Variants in GRID2 observed in about 807,000 individuals in gnomAD.
GRID2 encodes the protein glutamate ionotropic receptor delta type subunit 2.
In GRID2, 33 loss-of-function variants were observed where a neutral mutation model predicts 114.8. The observed-to-expected ratio is 0.29, with a 90% CI of 0.22 to 0.38. The LOEUF (loss-of-function observed/expected upper bound fraction) is 0.38. Among genes scored for constraint, GRID2 ranks in the 10% least tolerant of loss-of-function variants. The pLI is 1.00. For missense variants in GRID2, 1,184 were observed against 1,257.7 expected, an observed-to-expected ratio of 0.94 and a Z score of 0.89; for synonymous variants, 505 against 449.9, an observed-to-expected ratio of 1.12 and a Z score of -1.55.
chr4:92,922,126 G>T (rs751761877), intron 2 of GRID2, among the ~76,000 whole-genome samples: 16 of 152,298 alleles, frequency 1.1e-4, no homozygotes, highest in Middle Eastern at 6.8e-3. Flanking sequence ...GAGGCTCCGT[G>T]GGTGTAGGAC....
chr4:93,548,871 A>G (rs1295426234), intron 13 of GRID2, among the ~76,000 whole-genome samples: 2 of 152,164 alleles, frequency 1.3e-5, no homozygotes. Flanking sequence ...AACCTTTGCC[A>G]TGATCAACAG....
chr4:93,300,937 A>T (rs536051536), intron 8 of GRID2, among the ~76,000 whole-genome samples: 6 of 152,336 alleles, frequency 3.9e-5, no homozygotes, highest in African/African-American at 1.4e-4. Context: ...TCTTCTACAC[A>T]ATGTCTGGAA....
intron 1 of GRID2, among the ~76,000 whole-genome samples, chr4:92,484,873 A>G (rs948209121): frequency 2.0e-5 from 3 of 151,984 alleles, no homozygotes. Context: ...ATGCATTATA[A>G]TTTCTCATAT....
intron 10 of GRID2, among the ~76,000 whole-genome samples, chr4:93,425,407 G>A (rs925033163): frequency 2.0e-5 from 3 of 152,068 alleles, no homozygotes; most frequent in Non-Finnish European, 4.4e-5. Flanking sequence ...CTTGGTTTTC[G>A]TAGTCCACAT....
At chr4:92,738,108 A>T (rs189278454) in intron 2 of GRID2, among the ~76,000 whole-genome samples, 1 of 152,166 alleles carries the variant, frequency 6.6e-6, no homozygotes, top group Admixed American at 6.6e-5. Flanking sequence ...CTTTTTAATG[A>T]TCGCCCTTCT....
intron 2 of GRID2, among the ~76,000 whole-genome samples, chr4:92,691,827 G>A (rs1579852667): frequency 6.6e-6 from 1 of 152,150 alleles, no homozygotes; most frequent in East Asian, 1.9e-4. Flanking sequence ...AGGTTCCTGA[G>A]TTTACCACCC....
intron 13 of GRID2, among the ~76,000 whole-genome samples, chr4:93,588,775 T>C (rs1737806899): frequency 6.6e-6 from 1 of 152,188 alleles, no homozygotes; most frequent in Non-Finnish European, 1.5e-5. Flanking sequence ...TTAAAAATAC[T>C]TGCATTCCCT....
intron 2 of GRID2, among the ~76,000 whole-genome samples, chr4:92,681,321 T>C (rs1223826556): frequency 6.6e-6 from 1 of 152,200 alleles, no homozygotes; most frequent in East Asian, 1.9e-4. Flanking sequence ...ATCAATATTG[T>C]GGGTGTGGAT....
intron 8 of GRID2, among the ~76,000 whole-genome samples, chr4:93,365,981 ATTTCC>A (rs1359234316): frequency 1.3e-5 from 2 of 152,108 alleles, no homozygotes; most frequent in Non-Finnish European, 2.9e-5. Context: ...TACCCTTGTG[ATTTCC>A]TATGCCTGTC....
chr4:93,148,602 G>T (rs1308961460), intron 4 of GRID2, among the ~76,000 whole-genome samples: 2 of 152,028 alleles, frequency 1.3e-5, no homozygotes, highest in African/African-American at 4.8e-5. Context: ...CTTAAGTGAG[G>T]ATTGTTTAAA....
intron 1 of GRID2, among the ~76,000 whole-genome samples, chr4:92,444,003 G>A (rs947171335): frequency 5.9e-5 from 9 of 152,188 alleles, no homozygotes; most frequent in Admixed American, 3.9e-4. Context: ...AGGAGAAAGT[G>A]GTTGAGGGAC....
At chr4:93,649,816 C>T (rs553993521) in intron 14 of GRID2, among the ~76,000 whole-genome samples, 7 of 152,126 alleles carry the variant, frequency 4.6e-5, no homozygotes, top group South Asian at 4.1e-4. Flanking sequence ...TTCTTTCTGT[C>T]GCATAACTTT....
At chr4:93,307,779 A>G (rs2149180490) in intron 8 of GRID2, among the ~76,000 whole-genome samples, 1 of 152,260 alleles carries the variant, frequency 6.6e-6, no homozygotes, top group South Asian at 2.1e-4. Flanking sequence ...CATTTTCTCT[A>G]TACTCTTATT....
intron 8 of GRID2, among the ~76,000 whole-genome samples, chr4:93,323,938 A>G (rs879763960): frequency 1.3e-5 from 2 of 152,158 alleles, no homozygotes; most frequent in African/African-American, 4.8e-5. Flanking sequence ...CAGCTTAAGG[A>G]GATTTTGGGC....
intron 8 of GRID2, among the ~76,000 whole-genome samples, chr4:93,280,657 G>A (rs1435014713): frequency 1.3e-5 from 2 of 151,908 alleles, no homozygotes; most frequent in African/African-American, 4.8e-5. Context: ...TGGCTTAAAT[G>A]AGGGAGGAGG....
At chr4:93,462,338 C>A (rs1723826665) in intron 11 of GRID2, among the ~76,000 whole-genome samples, 1 of 151,986 alleles carries the variant, frequency 6.6e-6, no homozygotes, top group Non-Finnish European at 1.5e-5. Flanking sequence ...AGAGGAGCAG[C>A]CAGAATTATT....
chr4:93,077,385 G>C (rs1729431430), intron 2 of GRID2, among the ~76,000 whole-genome samples: 1 of 152,030 alleles, frequency 6.6e-6, no homozygotes, highest in African/African-American at 2.4e-5. Context: ...TAAACACACT[G>C]TTCCCCACAT....
intron 2 of GRID2, among the ~76,000 whole-genome samples, chr4:92,961,725 A>C (rs945747367): frequency 2.0e-5 from 3 of 151,418 alleles, no homozygotes; most frequent in Admixed American, 6.6e-5. Flanking sequence ...TAACTTGAAG[A>C]AATTCTTGGT....
At chr4:92,934,743 A>G (rs1750524732) in intron 2 of GRID2, among the ~76,000 whole-genome samples, 1 of 146,714 alleles carries the variant, frequency 6.8e-6, no homozygotes, top group African/African-American at 2.4e-5. Flanking sequence ...GCATGTCTAC[A>G]ACTATCTGAT....
Sources: allele counts gnomAD v4.1 joint callset (sites outside exome capture counted in the v4.1 genomes callset), GRCh38; gene constraint gnomAD v4.1.1; transcripts MANE v1.5; gene names NCBI Gene and HGNC (gene_info 2026-07-23, HGNC 2026-07-21).